Variants in FBXO38 observed in about 807,000 individuals in gnomAD.
FBXO38 encodes the protein F-box protein 38.
FBXO38 carries 53 observed loss-of-function variants against 131.9 expected under a neutral mutation model. The observed-to-expected ratio is 0.40, with a 90% CI of 0.32 to 0.51. The LOEUF is 0.51. FBXO38 is among the 20% of genes least tolerant of loss of function. The probability of loss-of-function intolerance (pLI) is 0.53; values close to 1 mark genes in which losing one functional copy is unlikely to be tolerated. For synonymous variants in FBXO38, 452 were observed against 505.6 expected (o/e 0.89, Z 1.42); for missense variants, 1,076 against 1,475.6 (o/e 0.73, Z 4.44).
rs1753026452 is a variant in FBXO38 at position 148,415,903 on chromosome 5, T to C, written c.1265-25T>C. ...TGGGGAAAATGTTACTTAGATTTTC[T>C]CTGGTCATGTCATTTCTTTAACAGA... On this transcript the variant is annotated intron_variant, in intron 10 of 21. Transcript: ENST00000340253. 3 of 1,612,662 alleles carry C rather than the reference T, an allele frequency of 1.9e-6. No homozygotes were observed. In the African/African-American group the frequency reaches 4.0e-5, roughly 22 times the overall value.
At position 148,440,596 on chromosome 5, in the gene FBXO38, T is replaced by A. The variant is rs191813226; in HGVS notation, c.3274+69T>A. 5.6e-4 allele frequency: 517 copies of A among 927,750 alleles called. 2 individuals carry two copies. In the African/African-American group the frequency reaches 8.1e-3, roughly 15 times the overall value. The allele number at this position is 927,750 out of a possible 1,614,324, so 57.5% of individuals were successfully genotyped here. ...TACTTACCTCTGTAATCCCAGCGACTCAGGAGGCTGAGGTGGGAGGATCAC... is the reference window on the plus strand; with the variant it reads ...TACTTACCTCTGTAATCCCAGCGACACAGGAGGCTGAGGTGGGAGGATCAC... On this transcript the variant is annotated intron_variant, in intron 20 of 21. Coordinates refer to ENST00000340253, the MANE Select transcript of FBXO38 (RefSeq NM_205836.3).
At chr5:148,413,534 G>A (rs953875355) in intron 9 of FBXO38, 3 of 152,108 alleles carry the variant, frequency 2.0e-5, no homozygotes, top group African/African-American at 7.2e-5. Flanking sequence ...TTAGTGACAT[G>A]ATCTAGAATA....
intron 11 of FBXO38, 133 bp from the exon 12 acceptor site, chr5:148,416,861 T>C: frequency 1.6e-6 from 1 of 632,588 alleles, no homozygotes; most frequent in East Asian, 2.7e-5. Flanking sequence ...TCTATGTGTA[T>C]GTGAAAGCAT....
chr5:148,433,959 C>G, intron 17 of FBXO38: 1 of 317,674 alleles, frequency 3.1e-6, no homozygotes, highest in Non-Finnish European at 5.7e-6. Context: ...TAGCCTGTCT[C>G]CAAAAGATAA....
Position 148,400,101 on chromosome 5 carries a change from GT to G in FBXO38, c.262+971del, listed in dbSNP as rs370267780. On this transcript the variant is annotated intron_variant, in intron 3 of 21. Transcript: ENST00000340253. Reference sequence around the variant, plus strand: ...TAACTCTTATCAGCTGGCCATAGTAGTTATCAATATATACTTTCTTATAAAG... The same window carrying G: ...TAACTCTTATCAGCTGGCCATAGTAGTATCAATATATACTTTCTTATAAAG... Among the ~76,000 whole-genome samples, 1,232 of 151,936 alleles carry G rather than the reference GT, an allele frequency of 8.1e-3. 21 individuals are homozygous for G. Among genetic ancestry groups the G allele is most frequent in the African/African-American group, 0.028 (1,179 of 41,476 alleles).
At chr5:148,441,299 C>A in intron 21 of FBXO38, 62 bp downstream of exon 21, 1 of 1,196,392 alleles carries the variant, frequency 8.4e-7, no homozygotes, top group Non-Finnish European at 1.2e-6. Flanking sequence ...GTGTTACATA[C>A]TTAATATCTT....
Position 148,416,079 on chromosome 5 carries a change from C to A in FBXO38, c.1407+9C>A. 6.6e-7 allele frequency: 1 copy of A among 1,511,876 alleles called. No homozygotes were observed. Among genetic ancestry groups the A allele is most frequent in the Non-Finnish European group, 8.9e-7 (1 of 1,128,732 alleles). The allele number at this position is 1,511,876 out of a possible 1,614,324, so 93.7% of individuals were successfully genotyped here. On this transcript the variant is annotated intron_variant, in intron 11 of 21. Coordinates refer to ENST00000340253, the MANE Select transcript of FBXO38 (RefSeq NM_205836.3). Reference sequence around the variant, plus strand: ...TTCGTGAACCACCCAAGGTAAGATACATTTGAGGGAGTTTTTGTTTATTTT... The same window carrying A: ...TTCGTGAACCACCCAAGGTAAGATAAATTTGAGGGAGTTTTTGTTTATTTT...
At chr5:148,436,284 C>A (rs1754343712) in intron 17 of FBXO38, among the ~76,000 whole-genome samples, 1 of 152,166 alleles carries the variant, frequency 6.6e-6, no homozygotes, top group South Asian at 2.1e-4. Flanking sequence ...CCCACACACA[C>A]AGTACAGGGT....
At chr5:148,404,889 A>T (rs1433185094) in intron 6 of FBXO38, 67 bp downstream of exon 6, 1 of 1,379,610 alleles carries the variant, frequency 7.2e-7, no homozygotes, top group Non-Finnish European at 9.8e-7. Context: ...AGCAAACTCT[A>T]GCTACATTTG....
Position 148,417,131 on chromosome 5 carries a change from T to A in FBXO38, c.1545T>A (p.His515Gln). 1.2e-6 allele frequency: 2 copies of A among 1,613,810 alleles called. No homozygotes were observed. Among genetic ancestry groups the A allele is most frequent in the Non-Finnish European group, 1.7e-6 (2 of 1,179,792 alleles). Residue 515 changes from histidine (H) to glutamine (Q), a missense_variant, in exon 12 of 22, where the codon CAT becomes CAA. Transcript: ENST00000340253. ...NANIHDNNHHHPDDSDEENDF... is the reference protein window; with the variant it reads ...NANIHDNNHHQPDDSDEENDF... ...ACATCCACGACAACAATCACCATCA[T>A]CCAGATGACTCAGACGAGGAGAATG...
Position 148,427,656 on chromosome 5 carries a change from A to G in FBXO38, c.2362A>G (p.Thr788Ala), listed in dbSNP as rs962189016. Residue 788 changes from threonine (T) to alanine (A), a missense_variant, in exon 15 of 22, where the codon ACT becomes GCT. By Grantham distance (58) the Thr-to-Ala change is moderately conservative. This residue lies in a region of FBXO38 where 213 missense variants were observed against 225.2 expected (regional missense o/e 0.95). Transcript: ENST00000340253. ...CHRPQESQRR[T>A]SRCSDEERPS... The stretch of plus-strand genomic sequence containing the variant: ...CAGGCCCCAGGAATCCCAAAGGAGA[A>G]CTAGCAGGTGTTCTGATGAGGAACG... The G allele has an allele frequency of 6.2e-7, 1 of 1,614,250 alleles. No homozygotes were observed. Among genetic ancestry groups the G allele is most frequent in the South Asian group, 1.1e-5 (1 of 91,092 alleles).
intron 6 of FBXO38, among the ~76,000 whole-genome samples, chr5:148,405,333 TTTC>T (rs572655037): frequency 9.2e-5 from 14 of 152,212 alleles, no homozygotes; most frequent in East Asian, 3.9e-4. Flanking sequence ...GCATAGGCTT[TTTC>T]TTCTTCTTCT....
intron 12 of FBXO38, among the ~76,000 whole-genome samples, chr5:148,420,889 T>C (rs1211783204): frequency 6.6e-6 from 1 of 152,026 alleles, no homozygotes; most frequent in Admixed American, 6.5e-5. Flanking sequence ...ACTCCTGGGC[T>C]CAAGCAATCC....
At chr5:148,401,901 T>C (rs1250968458) in intron 3 of FBXO38, 81 bp from the exon 4 acceptor site, 3 of 1,373,900 alleles carry the variant, frequency 2.2e-6, no homozygotes, top group Non-Finnish European at 3.0e-6. Context: ...TTTTTTAACT[T>C]TTGGTAAAAA....
chr5:148,401,902 T>A, intron 3 of FBXO38, 80 bp from the exon 4 acceptor site: 2 of 1,377,104 alleles, frequency 1.5e-6, no homozygotes, highest in Non-Finnish European at 2.0e-6. Flanking sequence ...TTTTTAACTT[T>A]TGGTAAAAAT....
Position 148,408,308 on chromosome 5 carries a change from T to G in FBXO38, c.869-816T>G, listed in dbSNP as rs184918363. Among the ~76,000 whole-genome samples the G allele has an allele frequency of 9.2e-5, 14 of 152,340 alleles. No homozygotes were observed. In the East Asian group the frequency reaches 2.7e-3, roughly 29 times the overall value. ...AGAATATAAATTCATACAACCACTT[T>G]GAAATACTGTTTGGTAGTATCTACT... On this transcript the variant is annotated intron_variant, in intron 7 of 21. Coordinates refer to ENST00000340253, the MANE Select transcript of FBXO38 (RefSeq NM_205836.3).
chr5:148,415,830 A>C, intron 10 of FBXO38, 98 bp from the exon 11 acceptor site: 1 of 1,291,726 alleles, frequency 7.7e-7, no homozygotes, highest in African/African-American at 1.5e-5. Flanking sequence ...TTATTTTAAA[A>C]AAAAGGATTT....
rs1386772834 is a variant in FBXO38 at position 148,439,805 on chromosome 5, G to A, written c.3170+13G>A. The A allele has an allele frequency of 6.2e-7, 1 of 1,613,174 alleles. No homozygotes were observed. Among genetic ancestry groups the A allele is most frequent in the East Asian group, 2.2e-5 (1 of 44,854 alleles). ...CAAACATCAATCAGTAAGTAACTTTGTGGCCCTTAAAGGCCTTTTGAGTCA... is the reference window on the plus strand; with the variant it reads ...CAAACATCAATCAGTAAGTAACTTTATGGCCCTTAAAGGCCTTTTGAGTCA... On this transcript the variant is annotated intron_variant, in intron 19 of 21. Transcript: ENST00000340253.
At position 148,401,577 on chromosome 5, in the gene FBXO38, A is replaced by G. The variant is rs142200673; in HGVS notation, c.263-405A>G. Among the ~76,000 whole-genome samples the G allele has an allele frequency of 4.0e-3, 605 of 152,254 alleles. 5 individuals are homozygous for G. Among genetic ancestry groups the G allele is most frequent in the Middle Eastern group, 0.027 (8 of 294 alleles). On this transcript the variant is annotated intron_variant, in intron 3 of 21. Transcript: ENST00000340253. ...ATTTATATTTTTAGTTATGTGTTCT[A>G]TAGAGTCCTGAAGGTTTTACAGACG...
Sources: allele counts gnomAD v4.1 joint callset (sites outside exome capture counted in the v4.1 genomes callset), GRCh38; gene constraint gnomAD v4.1.1; regional missense constraint gnomAD v4.1.1; transcripts MANE v1.5; gene names NCBI Gene and HGNC (gene_info 2026-07-23, HGNC 2026-07-21).